The following KLRG1 variants were observed in gnomAD, a reference collection of about 807,000 sequenced individuals.
KLRG1 encodes the protein killer cell lectin-like receptor subfamily G member 1.
A neutral mutation model predicts 21.8 loss-of-function variants in KLRG1; 16 were observed. The observed-to-expected ratio is 0.73, with a 90% CI of 0.50 to 1.11. The LOEUF is 1.11. Ranked by LOEUF, KLRG1 falls within the 50% of genes most tolerant of loss-of-function variation. The probability of loss-of-function intolerance (pLI) is 0.00; values close to 1 mark genes in which losing one functional copy is unlikely to be tolerated. For missense variants in KLRG1, 173 were observed against 218.3 expected, an observed-to-expected ratio of 0.79 and a Z score of 1.31; for synonymous variants, 69 against 75.9, an observed-to-expected ratio of 0.91 and a Z score of 0.47.
At chr12:9,099,662 A>G in the KLRG1 span, 1 of 1,044,446 alleles carries the variant, frequency 9.6e-7, no homozygotes, top group Middle Eastern at 2.6e-4. Context: ...AAAAAACCCT[A>G]TCAAAGCCCT....
At chr12:9,160,332 C>T in the KLRG1 span, 46 of 1,611,492 alleles carry the variant, frequency 2.9e-5, no homozygotes, top group South Asian at 3.3e-4. Context: ...AGATAGCCAA[C>T]GGCCTTGGCC....
At chr12:9,080,265 GC>G in the KLRG1 span, 1 of 787,550 alleles carries the variant, frequency 1.3e-6, no homozygotes, top group South Asian at 2.0e-5. Flanking sequence ...CTAGGACTAT[GC>G]CTTATACCTA....
At chr12:8,995,086 T>C (rs200698554) in intron 2 of KLRG1, 33 bp from the exon 3 acceptor site, 2 of 1,545,056 alleles carry the variant, frequency 1.3e-6, no homozygotes, top group African/African-American at 2.8e-5. Flanking sequence ...GAGTGGTCCA[T>C]AAAGATGTGA....
At chr12:9,140,447 C>T in the KLRG1 span, among the ~76,000 whole-genome samples, 1 of 152,152 alleles carries the variant, frequency 6.6e-6, no homozygotes, top group Non-Finnish European at 1.5e-5. Context: ...GAGGCAGAGG[C>T]ACATGTTTGG....
At chr12:8,998,244 G>A (rs796206000) in intron 3 of KLRG1, among the ~76,000 whole-genome samples, 5 of 152,138 alleles carry the variant, frequency 3.3e-5, no homozygotes, top group African/African-American at 4.8e-5. Context: ...CACCTGAATC[G>A]TTTGAACCCA....
chr12:9,193,102 G>A, the KLRG1 span, among the ~76,000 whole-genome samples: 3 of 152,132 alleles, frequency 2.0e-5, no homozygotes, highest in Non-Finnish European at 4.4e-5. Context: ...ATTAGGGTTT[G>A]TATTAATAAA....
chr12:8,972,008 A>G (rs1339641453), intron 1 of KLRG1, among the ~76,000 whole-genome samples: 1 of 152,202 alleles, frequency 6.6e-6, no homozygotes, highest in Non-Finnish European at 1.5e-5. Flanking sequence ...TTTTTAGTTT[A>G]ATGAAATACC....
intron 1 of KLRG1, among the ~76,000 whole-genome samples, chr12:8,966,569 A>C (rs1238014624): frequency 6.6e-6 from 1 of 152,242 alleles, no homozygotes; most frequent in Non-Finnish European, 1.5e-5. Context: ...ATGCAGCCAA[A>C]AAACACATGA....
At chr12:8,964,080 T>G (rs1392480253) in intron 1 of KLRG1, among the ~76,000 whole-genome samples, 5 of 152,222 alleles carry the variant, frequency 3.3e-5, no homozygotes, top group Admixed American at 3.3e-4. Context: ...TCTGCTAGCT[T>G]TTGAATGTGT....
At chr12:9,210,166 T>C in the KLRG1 span, among the ~76,000 whole-genome samples, 43 of 152,190 alleles carry the variant, frequency 2.8e-4, no homozygotes, top group African/African-American at 9.4e-4. Flanking sequence ...TGGATTTGAA[T>C]ACCCATCTGC....
the KLRG1 span, among the ~76,000 whole-genome samples, chr12:9,122,698 T>A: frequency 3.9e-4 from 60 of 152,248 alleles, no homozygotes; most frequent in Non-Finnish European, 7.8e-4. Context: ...ATTATAAAAA[T>A]TTATTAAAAA....
the KLRG1 span, among the ~76,000 whole-genome samples, chr12:9,205,467 C>T: frequency 1.3e-5 from 2 of 152,172 alleles, no homozygotes; most frequent in Non-Finnish European, 2.9e-5. Flanking sequence ...AAGGTACATG[C>T]ATGATACTCT....
chr12:8,997,069 C>A (rs1210116848), intron 3 of KLRG1, among the ~76,000 whole-genome samples: 1 of 152,084 alleles, frequency 6.6e-6, no homozygotes, highest in East Asian at 1.9e-4. Context: ...TCTGAGGAAC[C>A]CAGAGGAAGG....
At chr12:9,068,197 G>A in the KLRG1 span, 3 of 1,611,080 alleles carry the variant, frequency 1.9e-6, no homozygotes, top group Non-Finnish European at 2.5e-6. Context: ...GCTGCAAGGA[G>A]CATTGTACTC....
At chr12:8,994,929 T>C (rs755500243) in intron 2 of KLRG1, among the ~76,000 whole-genome samples, 190 bp from the exon 3 acceptor site, 1 of 152,282 alleles carries the variant, frequency 6.6e-6, no homozygotes, top group African/African-American at 2.4e-5. Context: ...GATGATGGAG[T>C]TGGACATTAT....
chr12:9,079,175 A>G, the KLRG1 span: 6 of 1,184,490 alleles, frequency 5.1e-6, no homozygotes, highest in South Asian at 5.2e-5. Flanking sequence ...TGCTGTGAAT[A>G]TAATTGAGGT....
At chr12:8,982,194 G>A (rs1049954971) in intron 1 of KLRG1, among the ~76,000 whole-genome samples, 2 of 152,178 alleles carry the variant, frequency 1.3e-5, no homozygotes, top group Admixed American at 1.3e-4. Flanking sequence ...TGGGTTCAAG[G>A]TAATTATGAG....
At chr12:9,083,918 T>C in the KLRG1 span, among the ~76,000 whole-genome samples, 26 of 151,962 alleles carry the variant, frequency 1.7e-4, no homozygotes, top group Non-Finnish European at 1.5e-5. Context: ...AAAAAAATTC[T>C]GAAAAGCAGA....
At chr12:9,072,925 G>T in the KLRG1 span, 1 of 1,461,116 alleles carries the variant, frequency 6.8e-7, no homozygotes, top group Non-Finnish European at 9.4e-7. Flanking sequence ...GGCTTTGAGG[G>T]CTGAGATATT....
Sources: allele counts gnomAD v4.1 joint callset (sites outside exome capture counted in the v4.1 genomes callset), GRCh38; gene constraint gnomAD v4.1.1; transcripts MANE v1.5; gene names NCBI Gene and HGNC (gene_info 2026-07-23, HGNC 2026-07-21).